The following LRRC37A2 variants were observed in gnomAD, a reference collection of about 807,000 sequenced individuals.
LRRC37A2 encodes the protein leucine rich repeat containing 37 member A2, also known as leucine-rich repeat-containing protein 37A2.
A neutral mutation model predicts 68.8 loss-of-function variants in LRRC37A2; 9 were observed. The ratio of observed to expected loss-of-function variants is 0.13; its 90% confidence interval spans 0.08 to 0.23. LRRC37A2 has a LOEUF of 0.23. Ranked by LOEUF, LRRC37A2 falls within the 10% of genes least tolerant of loss-of-function variation. LRRC37A2 has a pLI of 1.00. For missense variants in LRRC37A2, 168 were observed against 950.4 expected (o/e 0.18, Z 10.82); for synonymous variants, 63 against 367.6 (o/e 0.17, Z 9.48).
chr17:46,819,811 A>G, the LRRC37A2 span, among the ~76,000 whole-genome samples: 1 of 152,136 alleles, frequency 6.6e-6, no homozygotes, highest in Non-Finnish European at 1.5e-5. This position sits in a 1 kb window ranked among gnomAD's most constrained non-coding sequence, Gnocchi z 5.3. Flanking sequence ...CTCCCTCTCC[A>G]GAGCGAGGAA....
the LRRC37A2 span, chr17:46,818,904 T>G: frequency 4.5e-6 from 2 of 446,154 alleles, no homozygotes; most frequent in Non-Finnish European, 4.0e-6. Flanking sequence ...CCCAGCAAAC[T>G]TGGGCAAAGC....
chr17:46,845,663 GT>G, the LRRC37A2 span, among the ~76,000 whole-genome samples: 1 of 150,972 alleles, frequency 6.6e-6, no homozygotes, highest in African/African-American at 2.4e-5. Flanking sequence ...GCTAACTTTT[GT>G]ATTTTTAGTA....
chr17:46,988,173 AAAAC>A, the LRRC37A2 span, among the ~76,000 whole-genome samples: 2 of 152,266 alleles, frequency 1.3e-5, no homozygotes, highest in East Asian at 1.9e-4. Context: ...ACTGTCTCAA[AAAAC>A]AAACAAACAA....
chr17:46,966,821 AT>A, the LRRC37A2 span: 21 of 429,640 alleles, frequency 4.9e-5, no homozygotes, highest in Non-Finnish European at 8.2e-6. Context: ...AATCAGAATT[AT>A]GAAAAGTGCT....
the LRRC37A2 span, among the ~76,000 whole-genome samples, chr17:46,899,427 A>G: frequency 6.6e-6 from 1 of 152,074 alleles, no homozygotes; most frequent in Non-Finnish European, 1.5e-5. Flanking sequence ...CAAACAAACC[A>G]ACAAACAAAA....
At chr17:46,992,853 C>CAA in the LRRC37A2 span, among the ~76,000 whole-genome samples, 27,493 of 65,300 alleles carry the variant, frequency 0.42, 7,303 homozygotes, top group Non-Finnish European at 0.48. Flanking sequence ...AACTCCATCT[C>CAA]AAAAAAAAAA....
At chr17:46,500,796 T>G in the LRRC37A2 span, among the ~76,000 whole-genome samples, 4 of 151,210 alleles carry the variant, frequency 2.6e-5, no homozygotes, top group African/African-American at 9.9e-5. Context: ...TTTACTCATC[T>G]GGATCTTAGG....
the LRRC37A2 span, among the ~76,000 whole-genome samples, chr17:46,999,374 T>A: frequency 5.3e-5 from 8 of 152,144 alleles, no homozygotes; most frequent in Non-Finnish European, 8.8e-5. Flanking sequence ...TTTTTTTCTT[T>A]GAGACTGGGT....
chr17:46,981,591 G>A, the LRRC37A2 span, among the ~76,000 whole-genome samples: 1 of 152,150 alleles, frequency 6.6e-6, no homozygotes, highest in Non-Finnish European at 1.5e-5. Context: ...TTTATAACAA[G>A]CATCCTGTTA....
the LRRC37A2 span, chr17:46,968,809 C>T: frequency 1.3e-5 from 2 of 152,444 alleles, no homozygotes; most frequent in Admixed American, 1.3e-4. Flanking sequence ...GCACCACCTG[C>T]AGTCATTGAA....
the LRRC37A2 span, among the ~76,000 whole-genome samples, chr17:46,983,801 G>A: frequency 6.6e-6 from 1 of 152,228 alleles, no homozygotes; most frequent in South Asian, 2.1e-4. Context: ...GGGTGGCTCT[G>A]GCTCAAGGTC....
chr17:46,789,101 G>T, the LRRC37A2 span, among the ~76,000 whole-genome samples: 3 of 152,172 alleles, frequency 2.0e-5, no homozygotes, highest in Admixed American at 2.0e-4. Context: ...TATGCTGGAC[G>T]CCGGGAGCAC....
chr17:46,713,121 G>T, the LRRC37A2 span: 1 of 152,180 alleles, frequency 6.6e-6, no homozygotes, highest in Non-Finnish European at 1.5e-5. Context: ...GTTTTGAGGG[G>T]TATGATGTTC....
the LRRC37A2 span, among the ~76,000 whole-genome samples, chr17:46,828,323 A>G: frequency 6.6e-6 from 1 of 151,924 alleles, no homozygotes; most frequent in East Asian, 1.9e-4. Flanking sequence ...CAGCTTCCCA[A>G]GGAGCTGGGA....
chr17:46,901,082 G>T, the LRRC37A2 span, among the ~76,000 whole-genome samples: 4 of 152,228 alleles, frequency 2.6e-5, no homozygotes, highest in Admixed American at 2.0e-4. Flanking sequence ...TCTGAGCTAA[G>T]ATAGGAGGAA....
the LRRC37A2 span, among the ~76,000 whole-genome samples, chr17:46,833,942 TC>T: frequency 6.6e-6 from 1 of 152,148 alleles, no homozygotes; most frequent in East Asian, 1.9e-4. Context: ...ATACCTGTAA[TC>T]CCAGCATCTT....
chr17:46,970,188 C>G, the LRRC37A2 span, among the ~76,000 whole-genome samples: 2 of 152,130 alleles, frequency 1.3e-5, no homozygotes, highest in African/African-American at 4.8e-5. Context: ...TCATCTCCCC[C>G]ATCATCTCAA....
the LRRC37A2 span, chr17:46,830,855 A>G: frequency 2.0e-5 from 8 of 398,166 alleles, no homozygotes; most frequent in East Asian, 2.9e-4. Context: ...GTATCCTCAA[A>G]GAAAAAGTCT....
the LRRC37A2 span, among the ~76,000 whole-genome samples, chr17:46,846,081 G>A: frequency 0.012 from 1,774 of 152,210 alleles, 24 homozygotes; most frequent in Non-Finnish European, 0.02. Flanking sequence ...GTGAACCACC[G>A]TGCCCGGCCA....
Sources: allele counts gnomAD v4.1 joint callset (sites outside exome capture counted in the v4.1 genomes callset), GRCh38; gene constraint gnomAD v4.1.1; non-coding constraint Gnocchi (gnomAD v3.1); transcripts MANE v1.5; gene names NCBI Gene and HGNC (gene_info 2026-07-23, HGNC 2026-07-21).